Variants in KCNMA1 observed in about 807,000 individuals in gnomAD.
The protein encoded by KCNMA1 is potassium calcium-activated channel subfamily M alpha 1, also known as Calcium-activated potassium channel subunit alpha-1.
KCNMA1 carries 29 observed loss-of-function variants against 140.0 expected under a neutral mutation model. That is an observed-to-expected ratio of 0.21 (90% CI 0.15 to 0.28). The LOEUF (loss-of-function observed/expected upper bound fraction) is 0.28, where lower values mean the gene tolerates loss of function less well. Among genes scored for constraint, KCNMA1 ranks in the 10% least tolerant of loss-of-function variants. The pLI, the probability that KCNMA1 is intolerant of heterozygous loss-of-function variation, is 1.00. For missense variants in KCNMA1, 880 were observed against 1,602.2 expected (o/e 0.55, Z 7.70); for synonymous variants, 612 against 611.9 (o/e 1.00, Z 0.00).
At position 77,012,184 on chromosome 10, in the gene KCNMA1, T is replaced by G. The variant is rs984837350; in HGVS notation, c.2016-141A>C. The G allele has an allele frequency of 3.9e-6, 6 of 1,530,472 alleles. No homozygotes were observed. In the South Asian group the frequency reaches 7.4e-5, roughly 19 times the overall value. The allele number at this position is 1,530,472 out of a possible 1,614,324, so 94.8% of individuals were successfully genotyped here. On this transcript the variant is annotated intron_variant, in intron 17 of 27. Coordinates refer to ENST00000286628, the MANE Select transcript of KCNMA1 (RefSeq NM_001161352.2). ...TTAATCTTTTGAAAGGTTTAGACAT[T>G]TGCAGACGGAAATGTTTGTTGCAAG...
At position 77,348,080 on chromosome 10, in the gene KCNMA1, A is replaced by G. The variant is rs1478762426; in HGVS notation, c.540+55782T>C. ...ACAACACATCTGGACTGTGCCCCAT[A>G]GAAACAAGCATTTTAGTTTCACTAG... On this transcript the variant is annotated intron_variant, in intron 2 of 27. Transcript: ENST00000286628. Among the ~76,000 whole-genome samples, 4 of 152,234 alleles carry G rather than the reference A, an allele frequency of 2.6e-5. No homozygotes were observed. In the East Asian group the frequency reaches 7.7e-4, roughly 29 times the overall value.
chr10:77,399,777 C>A (rs1427133427), intron 2 of KCNMA1, among the ~76,000 whole-genome samples: 2 of 152,238 alleles, frequency 1.3e-5, no homozygotes, highest in African/African-American at 4.8e-5. Context: ...ACACCTGGAT[C>A]TCTGTTGCTC....
chr10:77,373,860 A>C (rs146123887), intron 2 of KCNMA1: 23 of 152,310 alleles, frequency 1.5e-4, no homozygotes, highest in African/African-American at 5.1e-4. Context: ...TTGACCCTGA[A>C]GGTTCAAGCA....
At chr10:76,980,225 G>C (rs1053154094) in intron 19 of KCNMA1, 1 of 152,196 alleles carries the variant, frequency 6.6e-6, no homozygotes, top group East Asian at 1.9e-4. Context: ...CCAGGACCCA[G>C]GTCGGCTGAC....
intron 15 of KCNMA1, 67 bp downstream of exon 15, chr10:77,039,461 G>C: frequency 1.1e-6 from 1 of 920,018 alleles, no homozygotes; most frequent in South Asian, 1.3e-5. Context: ...GAGGTGGGAG[G>C]CTTCCTTGCA....
chr10:77,473,547 T>C (rs2098213987), intron 1 of KCNMA1, among the ~76,000 whole-genome samples: 1 of 152,158 alleles, frequency 6.6e-6, no homozygotes, highest in Admixed American at 6.5e-5. Context: ...CAGTAGAGCC[T>C]GACTTTCACA....
chr10:77,494,667 A>G lies in KCNMA1; in HGVS notation c.379-90644T>C, dbSNP rs569457632. 2.6e-4 allele frequency among the ~76,000 whole-genome samples: 39 copies of G among 152,334 alleles called. No individual in the cohort carries two copies. The South Asian group carries it at 4.8e-3, about 19-fold the overall frequency. ...GAGGGAGCAGTTTTCCAGAGAGTGA[A>G]GAAATGGGATCCGGGAAGCTTGGTG... On this transcript the variant is annotated intron_variant, in intron 1 of 27. Transcript: ENST00000286628.
downstream of KCNMA1, among the ~76,000 whole-genome samples, chr10:76,881,766 G>T (rs1022829292): frequency 1.3e-5 from 2 of 152,100 alleles, no homozygotes; most frequent in African/African-American, 2.4e-5. Context: ...TGTGTATATC[G>T]GGGTGTATCC....
chr10:77,418,609 T>A (rs1049096618), intron 1 of KCNMA1, among the ~76,000 whole-genome samples: 1 of 152,134 alleles, frequency 6.6e-6, no homozygotes, highest in African/African-American at 2.4e-5. Context: ...GTGAGGAGGA[T>A]ACCCTTGACA....
rs556491952 is a variant in KCNMA1 at position 77,610,695 on chromosome 10, C to T, written c.378+26570G>A. Among the ~76,000 whole-genome samples, 7 of 152,284 alleles carry T rather than the reference C, an allele frequency of 4.6e-5. No individual in the cohort carries two copies. In the South Asian group the frequency reaches 1.2e-3, roughly 27 times the overall value. On this transcript the variant is annotated intron_variant, in intron 1 of 27. Coordinates refer to ENST00000286628, the MANE Select transcript of KCNMA1 (RefSeq NM_001161352.2). ...GTCCAGATCAGGCACATCCAGAGAGCCCACACAGAGTAGACCAGCCAGGGA... is the reference window on the plus strand; with the variant it reads ...GTCCAGATCAGGCACATCCAGAGAGTCCACACAGAGTAGACCAGCCAGGGA...
Position 77,403,939 on chromosome 10 carries a change from C to G in KCNMA1, c.463G>C (p.Glu155Gln). The G allele has an allele frequency of 6.2e-7, 1 of 1,614,176 alleles. No homozygotes were observed. The highest frequency in any genetic ancestry group is 8.5e-7 in the Non-Finnish European group (1 of 1,180,036). Reference sequence around the variant, plus strand: ...TTCACGGAGGTCATCCAGCCGACCTCGGCGGCCACTGCCTCCTCTTTTTCA... The same window carrying G: ...TTCACGGAGGTCATCCAGCCGACCTGGGCGGCCACTGCCTCCTCTTTTTCA... ...VDEKEEAVAAEVGWMTSVKDW... is the reference protein window; with the variant it reads ...VDEKEEAVAAQVGWMTSVKDW... Residue 155 changes from glutamate (E) to glutamine (Q), a missense_variant, in exon 2 of 28, where the codon GAG (glutamate) becomes CAG (glutamine). Glu to Gln is a conservative substitution (Grantham distance 29). This residue lies in a region of KCNMA1 where 54 missense variants were observed against 56.4 expected (regional missense o/e 0.96). Transcript: ENST00000286628.
chr10:77,014,873 C>G (rs977724833), intron 17 of KCNMA1, among the ~76,000 whole-genome samples: 2 of 152,202 alleles, frequency 1.3e-5, no homozygotes, highest in Admixed American at 1.3e-4. Context: ...CTCTGTCATG[C>G]TCACCTCGCA....
Position 77,214,255 on chromosome 10 carries a change from C to T in KCNMA1, c.603-29339G>A, listed in dbSNP as rs181795190. 2.3e-3 allele frequency among the ~76,000 whole-genome samples: 354 copies of T among 152,238 alleles called. 2 individuals are homozygous for T. The highest frequency in any genetic ancestry group is 8.1e-3 in the African/African-American group (337 of 41,522). Reference sequence around the variant, plus strand: ...TCCAAGGCCACTATTTCACAGTTTTCCTTCTCTCCTCCAACCTCCCATGTT... The same window carrying T: ...TCCAAGGCCACTATTTCACAGTTTTTCTTCTCTCCTCCAACCTCCCATGTT... On this transcript the variant is annotated intron_variant, in intron 3 of 27. Coordinates refer to ENST00000286628, the MANE Select transcript of KCNMA1 (RefSeq NM_001161352.2).
In KCNMA1 at chr10:76,910,132, A is replaced by G. The variant is rs201173563; in HGVS notation, c.3017-36T>C. 80 of 1,611,676 alleles carry G rather than the reference A, an allele frequency of 5.0e-5. 1 individual carries two copies. The South Asian group carries it at 8.2e-4, about 17-fold the overall frequency. On this transcript the variant is annotated intron_variant, in intron 24 of 27. Transcript: ENST00000286628. ...CATAAAATAAGAATTAGCTCTGAAG[A>G]CCACACACAGGCATTGAAGCCAGAG...
chr10:77,148,789 C>T (rs1342263140), intron 5 of KCNMA1, among the ~76,000 whole-genome samples: 6 of 152,180 alleles, frequency 3.9e-5, no homozygotes, highest in Admixed American at 3.9e-4. Context: ...GTAAAACTTT[C>T]CTTACAAAAA....
intron 1 of KCNMA1, among the ~76,000 whole-genome samples, chr10:77,503,649 A>G (rs564346104): frequency 1.3e-5 from 2 of 152,362 alleles, no homozygotes; most frequent in South Asian, 4.1e-4. Flanking sequence ...TGGGCCCAGC[A>G]CAGAGCAGGC....
chr10:77,005,775 A>G (rs2088308225), intron 18 of KCNMA1, among the ~76,000 whole-genome samples: 1 of 152,230 alleles, frequency 6.6e-6, no homozygotes, highest in Non-Finnish European at 1.5e-5. Flanking sequence ...CAACATTTCC[A>G]TCATAACTTC....
intron 24 of KCNMA1, chr10:76,910,870 T>A (rs1053203941): frequency 6.5e-6 from 1 of 153,398 alleles, no homozygotes; most frequent in African/African-American, 2.4e-5. Flanking sequence ...CATCTGAGGA[T>A]TCCTCAAGGA....
At chr10:77,144,746 C>T (rs2098255375) in intron 5 of KCNMA1, among the ~76,000 whole-genome samples, 1 of 152,150 alleles carries the variant, frequency 6.6e-6, no homozygotes, top group African/African-American at 2.4e-5. Flanking sequence ...TAAATTCCCT[C>T]CCAACTTCCA....
Sources: allele counts gnomAD v4.1 joint callset (sites outside exome capture counted in the v4.1 genomes callset), GRCh38; gene constraint gnomAD v4.1.1; regional missense constraint gnomAD v4.1.1; transcripts MANE v1.5; gene names NCBI Gene and HGNC (gene_info 2026-07-23, HGNC 2026-07-21).